ST6GALNAC3: variants seen among roughly 807,000 people sequenced by gnomAD.
ST6GALNAC3 encodes alpha-N-acetylgalactosaminide alpha-2,6-sialyltransferase 3.
ST6GALNAC3 carries 25 observed loss-of-function variants against 32.7 expected under a neutral mutation model. The observed-to-expected ratio is 0.76, with a 90% CI of 0.56 to 1.07. The LOEUF (loss-of-function observed/expected upper bound fraction) is 1.07. Ranked by LOEUF, ST6GALNAC3 falls within the 50% of genes least tolerant of loss-of-function variation. The probability of loss-of-function intolerance (pLI) is 0.00; values close to 1 mark genes in which losing one functional copy is unlikely to be tolerated. For missense variants in ST6GALNAC3, 355 were observed against 382.4 expected (o/e 0.93, Z 0.60); for synonymous variants, 129 against 133.1 (o/e 0.97, Z 0.21).
intron 2 of ST6GALNAC3, 111 bp downstream of exon 2, chr1:76,314,110 GC>G: frequency 8.1e-6 from 8 of 981,626 alleles, no homozygotes; most frequent in Non-Finnish European, 1.2e-5. Flanking sequence ...GCCCCGGAGA[GC>G]TTGCTTGGGT....
intron 3 of ST6GALNAC3, among the ~76,000 whole-genome samples, chr1:76,521,964 G>A (rs993372264): frequency 1.3e-5 from 2 of 151,972 alleles, no homozygotes; most frequent in Non-Finnish European, 2.9e-5. Context: ...AGCTACTCGG[G>A]AGGCTGAGGC....
At chr1:76,400,068 G>A (rs1199551498) in intron 2 of ST6GALNAC3, among the ~76,000 whole-genome samples, 2 of 151,966 alleles carry the variant, frequency 1.3e-5, no homozygotes, top group Non-Finnish European at 2.9e-5. Flanking sequence ...TAGCAGCGGG[G>A]ATAGTGGAAA....
chr1:76,136,105 A>G (rs1179658143), intron 1 of ST6GALNAC3, among the ~76,000 whole-genome samples: 2 of 152,170 alleles, frequency 1.3e-5, no homozygotes, highest in African/African-American at 4.8e-5. Context: ...AATTCTTAAC[A>G]CAGGTGCTTT....
At chr1:76,537,264 C>A (rs1663671073) in intron 3 of ST6GALNAC3, among the ~76,000 whole-genome samples, 1 of 152,110 alleles carries the variant, frequency 6.6e-6, no homozygotes, top group African/African-American at 2.4e-5. Context: ...TAAATAATTT[C>A]TTTAAAACCA....
intron 1 of ST6GALNAC3, among the ~76,000 whole-genome samples, chr1:76,306,980 A>G (rs1013203739): frequency 4.6e-5 from 7 of 152,232 alleles, no homozygotes; most frequent in Admixed American, 3.9e-4. Flanking sequence ...AGTTTATCTC[A>G]TTCAGTCTCT....
intron 2 of ST6GALNAC3, among the ~76,000 whole-genome samples, chr1:76,391,987 G>T (rs1652599750): frequency 6.6e-6 from 1 of 152,118 alleles, no homozygotes; most frequent in African/African-American, 2.4e-5. Flanking sequence ...CTATCTTTTA[G>T]ACCTTAGTTT....
chr1:76,286,028 G>A (rs1396608536), intron 1 of ST6GALNAC3, among the ~76,000 whole-genome samples: 1 of 152,168 alleles, frequency 6.6e-6, no homozygotes, highest in Non-Finnish European at 1.5e-5. Flanking sequence ...ACAGCCATAG[G>A]CTAAGATGTC....
intron 1 of ST6GALNAC3, among the ~76,000 whole-genome samples, chr1:76,123,459 G>T (rs1649025993): frequency 6.6e-6 from 1 of 151,820 alleles, no homozygotes; most frequent in African/African-American, 2.4e-5. Flanking sequence ...ATGAGATTGT[G>T]TTAAGAATGG....
intron 3 of ST6GALNAC3, among the ~76,000 whole-genome samples, chr1:76,516,952 A>G (rs974406672): frequency 2.0e-5 from 3 of 152,042 alleles, no homozygotes; most frequent in African/African-American, 7.2e-5. Context: ...ATATATGTAT[A>G]GTAAAATCTT....
chr1:76,338,462 T>A (rs1189971070), intron 2 of ST6GALNAC3, among the ~76,000 whole-genome samples: 1 of 152,164 alleles, frequency 6.6e-6, no homozygotes, highest in Non-Finnish European at 1.5e-5. Flanking sequence ...GGACACTTGA[T>A]CCTCCAGAAG....
intron 1 of ST6GALNAC3, among the ~76,000 whole-genome samples, chr1:76,312,290 C>G (rs1475537016): frequency 6.6e-6 from 1 of 152,140 alleles, no homozygotes; most frequent in Non-Finnish European, 1.5e-5. Context: ...GGATTAAAGA[C>G]TTAAACATAA....
chr1:76,307,977 C>A, intron 1 of ST6GALNAC3: 1 of 500,084 alleles, frequency 2.0e-6, no homozygotes, highest in Non-Finnish European at 4.0e-6. Flanking sequence ...CATATTTTTG[C>A]AGCACAGAGG....
Position 76,108,861 on chromosome 1 carries a change from AGTGTGTGTGT to A in ST6GALNAC3, c.18+34006_18+34015del, listed in dbSNP as rs10528375. ...AATGAGTTCTGAAATCTGTAGACAT[AGTGTGTGTGT>A]GTGTGTGTGTGTGTGTGTGTGTGTG... On this transcript the variant is annotated intron_variant, in intron 1 of 4. Coordinates refer to ENST00000328299, the MANE Select transcript of ST6GALNAC3 (RefSeq NM_152996.4). 3.3e-3 allele frequency among the ~76,000 whole-genome samples: 493 copies of A among 149,724 alleles called. 2 individuals are homozygous for A. Among genetic ancestry groups the A allele is most frequent in the Non-Finnish European group, 4.7e-3 (313 of 67,228 alleles).
intron 2 of ST6GALNAC3, among the ~76,000 whole-genome samples, chr1:76,361,050 G>T (rs1475409039): frequency 6.6e-6 from 1 of 151,770 alleles, no homozygotes; most frequent in Non-Finnish European, 1.5e-5. Context: ...ACATACCTTA[G>T]GTTTTGCTTT....
At chr1:76,455,668 C>A (rs1193203489) in intron 3 of ST6GALNAC3, among the ~76,000 whole-genome samples, 2 of 152,088 alleles carry the variant, frequency 1.3e-5, no homozygotes, top group African/African-American at 2.4e-5. Context: ...TTTTTGCCTT[C>A]TCTCTGGGAG....
At chr1:76,202,268 A>ATG (rs58107501) in intron 1 of ST6GALNAC3, among the ~76,000 whole-genome samples, 22,005 of 145,040 alleles carry the variant, frequency 0.15, 1,728 homozygotes, top group Admixed American at 0.25. Context: ...GTGTGCATGC[A>ATG]TGTGTGTGTG....
At chr1:76,201,472 T>G in intron 1 of ST6GALNAC3, among the ~76,000 whole-genome samples, 1 of 152,148 alleles carries the variant, frequency 6.6e-6, no homozygotes, top group East Asian at 1.9e-4. Flanking sequence ...GAGCTACAAT[T>G]CAAGATGAGA....
At chr1:76,240,934 A>G (rs1375592850) in intron 1 of ST6GALNAC3, among the ~76,000 whole-genome samples, 1 of 152,224 alleles carries the variant, frequency 6.6e-6, no homozygotes, top group Non-Finnish European at 1.5e-5. Context: ...AACTAGGTTT[A>G]AGATACTTTT....
chr1:76,586,826 T>A (rs1473764210), intron 3 of ST6GALNAC3, among the ~76,000 whole-genome samples: 1 of 152,224 alleles, frequency 6.6e-6, no homozygotes. Flanking sequence ...ATAGAAACTA[T>A]GGTCTTCTTG....
Sources: allele counts gnomAD v4.1 joint callset (sites outside exome capture counted in the v4.1 genomes callset), GRCh38; gene constraint gnomAD v4.1.1; transcripts MANE v1.5; gene names NCBI Gene and HGNC (gene_info 2026-07-23, HGNC 2026-07-21).